Variants in QSOX2 observed in about 807,000 individuals in gnomAD.
QSOX2 encodes the protein sulfhydryl oxidase 2.
Under a neutral mutation model 61.7 loss-of-function variants are expected in QSOX2, and 46 were observed. The observed-to-expected ratio is 0.75, with a 90% CI of 0.59 to 0.95. QSOX2 has a LOEUF of 0.95. Ranked by LOEUF, QSOX2 falls within the 40% of genes least tolerant of loss-of-function variation. The probability of loss-of-function intolerance (pLI) is 0.00; values close to 1 mark genes in which losing one functional copy is unlikely to be tolerated. For missense variants in QSOX2, 879 were observed against 918.9 expected, an observed-to-expected ratio of 0.96 and a Z score of 0.56; for synonymous variants, 383 against 388.4, an observed-to-expected ratio of 0.99 and a Z score of 0.16.
Position 136,223,846 on chromosome 9 carries a change from C to G in QSOX2, c.592G>C (p.Asp198His). The G allele has an allele frequency of 6.2e-7, 1 of 1,614,046 alleles. No individual in the cohort carries two copies. Among genetic ancestry groups the G allele is most frequent in the South Asian group, 1.1e-5 (1 of 91,068 alleles). Reference sequence around the variant, plus strand: ...CGGTTGTCAAGAAGGGAAAGAACATCACTGGGCCTTTCAAGAGGAAAAAAA... The same window carrying G: ...CGGTTGTCAAGAAGGGAAAGAACATGACTGGGCCTTTCAAGAGGAAAAAAA... ...CPRLDPIQPS[D>H]VLSLLDNRGS... is the part of the protein sequence containing the mutation. The change falls in exon 5 of 12, where the codon GAT (aspartate) becomes CAT (histidine). Residue 198 changes from aspartate (D) to histidine (H), a missense_variant. Asp to His is a moderately conservative substitution (Grantham distance 81). Coordinates refer to ENST00000358701, the MANE Select transcript of QSOX2 (RefSeq NM_181701.4). The surrounding 1 kb of genome is among the most constrained non-coding windows in gnomAD (Gnocchi z 4.4).
Position 136,245,723 on chromosome 9 carries a change from C to CG in QSOX2, c.80dup (p.Pro28AlafsTer106). 1 of 1,139,918 alleles carries CG rather than the reference C, an allele frequency of 8.8e-7. No homozygotes were observed. Among genetic ancestry groups the CG allele is most frequent in the African/African-American group, 1.6e-5 (1 of 60,722 alleles). The allele number at this position is 1,139,918 out of a possible 1,614,324, so 70.6% of individuals were successfully genotyped here. A position where few individuals can be genotyped will look rare whatever the true frequency, so the allele number is the denominator to read the frequency against. On this transcript the variant is annotated frameshift_variant, in exon 1 of 12. Transcript: ENST00000358701. LOFTEE classifies it high-confidence loss of function. Reference sequence around the variant, plus strand: ...GCCGCGGCAGCCGTGCGGCCCGCGGCGGGGGCGAGCGCCGGGCTCTCAGCG... The same window carrying CG: ...GCCGCGGCAGCCGTGCGGCCCGCGGCGGGGGGCGAGCGCCGGGCTCTCAGCG...
chr9:136,220,630 GCTGTCC>G (rs1467852052), intron 6 of QSOX2, among the ~76,000 whole-genome samples: 2 of 152,106 alleles, frequency 1.3e-5, no homozygotes, highest in African/African-American at 4.8e-5. Context: ...TTCTCCTCAC[GCTGTCC>G]TTCTCCCCAA....
chr9:136,231,929 G>T (rs867665537), intron 1 of QSOX2, among the ~76,000 whole-genome samples: 2 of 59,090 alleles, frequency 3.4e-5, no homozygotes, highest in Admixed American at 1.9e-4. Context: ...CACCCTCTCC[G>T]CCTCCTCCGC....
At chr9:136,242,483 T>A (rs549898338) in intron 1 of QSOX2, among the ~76,000 whole-genome samples, 2 of 152,370 alleles carry the variant, frequency 1.3e-5, no homozygotes, top group East Asian at 3.9e-4. Flanking sequence ...ATCAGCAGGA[T>A]GACCTAAGTC....
chr9:136,217,055 C>T (rs901005384), intron 8 of QSOX2, among the ~76,000 whole-genome samples: 2 of 152,228 alleles, frequency 1.3e-5, no homozygotes, highest in African/African-American at 4.8e-5. Flanking sequence ...ATGGAGCTGG[C>T]GGGGGCTTGC....
chr9:136,225,015 C>G, intron 2 of QSOX2, 106 bp from the exon 3 acceptor site: 3 of 701,752 alleles, frequency 4.3e-6, no homozygotes, highest in Non-Finnish European at 6.9e-6. Context: ...TACTCAATTT[C>G]CTTCGGAAAG....
intron 8 of QSOX2, among the ~76,000 whole-genome samples, chr9:136,217,093 G>A (rs531246088): frequency 9.9e-5 from 15 of 152,264 alleles, no homozygotes; most frequent in Non-Finnish European, 1.8e-4. Flanking sequence ...CTCACGAGGA[G>A]CTGTGCTGAC....
At chr9:136,227,792 T>C (rs1044306376) in intron 1 of QSOX2, among the ~76,000 whole-genome samples, 1 of 151,876 alleles carries the variant, frequency 6.6e-6, no homozygotes, top group African/African-American at 2.4e-5. Flanking sequence ...CTGGGCAACA[T>C]GGTAAAACCC....
intron 9 of QSOX2, among the ~76,000 whole-genome samples, chr9:136,216,041 C>T (rs1831908583): frequency 6.6e-6 from 1 of 152,206 alleles, no homozygotes; most frequent in African/African-American, 2.4e-5. Context: ...TACAGGATTC[C>T]CAGAAGATCT....
At chr9:136,231,113 C>G (rs12353023) in intron 1 of QSOX2, among the ~76,000 whole-genome samples, 3,570 of 152,284 alleles carry the variant, frequency 0.023, 123 homozygotes, top group African/African-American at 0.076. Context: ...TTATCTACCA[C>G]GGGAGTGGCC....
chr9:136,226,985 G>GC, intron 1 of QSOX2, 111 bp from the exon 2 acceptor site: 1 of 799,504 alleles, frequency 1.3e-6, no homozygotes, highest in Non-Finnish European at 2.2e-6. Context: ...CAGCCCACCT[G>GC]CCCCCTCTAG....
intron 6 of QSOX2, among the ~76,000 whole-genome samples, chr9:136,220,351 G>A (rs887593040): frequency 2.0e-5 from 3 of 152,238 alleles, no homozygotes; most frequent in African/African-American, 7.2e-5. Context: ...AAATACTTAA[G>A]AAACTGCGGT....
chr9:136,220,992 C>A (rs1831974022), intron 6 of QSOX2, among the ~76,000 whole-genome samples: 1 of 152,210 alleles, frequency 6.6e-6, no homozygotes, highest in Non-Finnish European at 1.5e-5. Flanking sequence ...CTTTTTCTAA[C>A]CTGATTCAAG....
At chr9:136,245,396 C>T (rs1363432940) in intron 1 of QSOX2, 80 bp downstream of exon 1, 3 of 1,240,108 alleles carry the variant, frequency 2.4e-6, no homozygotes, top group South Asian at 2.8e-5. Flanking sequence ...CCGGGACCCG[C>T]CTTCTGGGGC....
At chr9:136,242,427 T>C (rs1174728479) in intron 1 of QSOX2, among the ~76,000 whole-genome samples, 1 of 152,192 alleles carries the variant, frequency 6.6e-6, no homozygotes, top group African/African-American at 2.4e-5. Flanking sequence ...CTGGACACTC[T>C]AGGTAGAAGT....
Position 136,245,675 on chromosome 9 carries a change from C to G in QSOX2, c.129G>C (p.Ala43=). 1 of 1,207,690 alleles carries G rather than the reference C, an allele frequency of 8.3e-7. No homozygotes were observed. Among genetic ancestry groups the G allele is most frequent in the Non-Finnish European group, 1.0e-6 (1 of 975,386 alleles). The allele number at this position is 1,207,690 out of a possible 1,614,324, so 74.8% of individuals were successfully genotyped here. A position where few individuals can be genotyped will look rare whatever the true frequency, so the allele number is the denominator to read the frequency against. Residue 43 remains alanine (A), a synonymous_variant, in exon 1 of 12, where the codon GCG becomes GCC. Coordinates refer to ENST00000358701, the MANE Select transcript of QSOX2 (RefSeq NM_181701.4). ...LPRLLVLLAA[A]AVGPGAGGAA... The stretch of plus-strand genomic sequence containing the variant: ...CACCGCCCGCGCCCGGCCCCACCGC[C>G]GCCGCCGCTAGCAGCACTAGCAGCC...
intron 1 of QSOX2, among the ~76,000 whole-genome samples, chr9:136,242,548 A>G (rs1268716362): frequency 6.6e-6 from 1 of 152,290 alleles, no homozygotes; most frequent in African/African-American, 2.4e-5. Context: ...CAACAGGGAC[A>G]TAAGAAAACA....
At chr9:136,216,028 C>T (rs1276405246) in intron 9 of QSOX2, among the ~76,000 whole-genome samples, 1 of 152,238 alleles carries the variant, frequency 6.6e-6, no homozygotes, top group East Asian at 1.9e-4. Context: ...GACAAGTGCA[C>T]CTTACAGGAT....
Position 136,223,849 on chromosome 9 carries a change from T to C in QSOX2, c.589A>G (p.Ser197Gly). Residue 197 changes from serine to glycine, a missense_variant, in exon 5 of 12, where the codon AGT (serine) becomes GGT (glycine). Ser to Gly is a moderately conservative substitution (Grantham distance 56). Coordinates refer to ENST00000358701, the MANE Select transcript of QSOX2 (RefSeq NM_181701.4). This position sits in a 1 kb window ranked among gnomAD's most constrained non-coding sequence, Gnocchi z 4.4. ...ACPRLDPIQP[S>G]DVLSLLDNRG... ...TTGTCAAGAAGGGAAAGAACATCAC[T>C]GGGCCTTTCAAGAGGAAAAAAAGAG... is the stretch of plus-strand genomic sequence containing the variant. 6.2e-7 allele frequency: 1 copy of C among 1,613,956 alleles called. No homozygotes were observed. The highest frequency in any genetic ancestry group is 1.1e-5 in the South Asian group (1 of 91,068).
Sources: gnomAD v4.1 joint callset for allele counts (sites outside exome capture counted in the v4.1 genomes callset) on GRCh38, gnomAD v4.1.1 for gene constraint, Gnocchi (gnomAD v3.1) non-coding constraint, MANE v1.5 for transcripts, NCBI Gene and HGNC (gene_info 2026-07-23, HGNC 2026-07-21) for gene names.